The following PLGRKT variants were observed in gnomAD, a reference collection of about 807,000 sequenced individuals.
The protein encoded by PLGRKT is plasminogen receptor with a C-terminal lysine.
PLGRKT carries 22 observed loss-of-function variants against 18.5 expected under a neutral mutation model. The observed-to-expected ratio is 1.19, with a 90% CI of 0.85 to 1.70. The LOEUF (loss-of-function observed/expected upper bound fraction) is 1.70. Ranked by LOEUF, PLGRKT falls within the 40% of genes most tolerant of loss-of-function variation. The pLI is 0.00. For missense variants in PLGRKT, 235 were observed against 174.4 expected, an observed-to-expected ratio of 1.35 and a Z score of -1.96; for synonymous variants, 72 against 52.8, an observed-to-expected ratio of 1.36 and a Z score of -1.58.
chr9:5,426,565 A>G (rs1818705797), intron 3 of PLGRKT, among the ~76,000 whole-genome samples: 1 of 152,220 alleles, frequency 6.6e-6, no homozygotes, highest in Non-Finnish European at 1.5e-5. Context: ...TCCTTTCTTG[A>G]AATTAAGAAA....
intron 3 of PLGRKT, among the ~76,000 whole-genome samples, chr9:5,411,347 T>C (rs1818360711): frequency 6.9e-6 from 1 of 143,952 alleles, no homozygotes; most frequent in Non-Finnish European, 1.5e-5. Flanking sequence ...GTTATGCCAC[T>C]GCACTCCAGC....
rs1817382374 is a variant in PLGRKT at position 5,366,154 on chromosome 9, C to G, written c.82-4266G>C. Reference sequence around the variant, plus strand: ...TTAAAAATCAAATTAATAAACTTGACTGTCAAATTTTTCAATAACCATAAA... The same window carrying G: ...TTAAAAATCAAATTAATAAACTTGAGTGTCAAATTTTTCAATAACCATAAA... On this transcript the variant is annotated intron_variant, in intron 3 of 5. Coordinates refer to ENST00000223864, the MANE Select transcript of PLGRKT (RefSeq NM_018465.4). 1.3e-5 allele frequency among the ~76,000 whole-genome samples: 2 copies of G among 152,120 alleles called. 1 individual carries two copies. The highest frequency in any genetic ancestry group is 2.9e-5 in the Non-Finnish European group (2 of 68,008).
At chr9:5,370,798 TAAAAC>T (rs1363646692) in intron 3 of PLGRKT, among the ~76,000 whole-genome samples, 1 of 152,154 alleles carries the variant, frequency 6.6e-6, no homozygotes, top group Non-Finnish European at 1.5e-5. Context: ...CTAACATTGT[TAAAAC>T]AAAGCAGCCA....
intron 5 of PLGRKT, 94 bp from the exon 6 acceptor site, chr9:5,358,454 ACCGTATGAG>A: frequency 9.6e-7 from 1 of 1,039,920 alleles, no homozygotes; most frequent in Middle Eastern, 2.1e-4. Flanking sequence ...AGGCTCTAAC[ACCGTATGAG>A]CCATGTCCCC....
At chr9:5,404,513 C>A (rs1220389390) in intron 3 of PLGRKT, among the ~76,000 whole-genome samples, 2 of 152,128 alleles carry the variant, frequency 1.3e-5, no homozygotes, top group Admixed American at 6.5e-5. Context: ...ATAAACAGAA[C>A]TAAAGACAAA....
intron 3 of PLGRKT, among the ~76,000 whole-genome samples, chr9:5,409,550 C>G (rs759815765): frequency 6.6e-6 from 1 of 152,146 alleles, no homozygotes; most frequent in African/African-American, 2.4e-5. Context: ...TATATATACC[C>G]AGAGTGGTAG....
Position 5,418,796 on chromosome 9 carries a change from G to T in PLGRKT, c.81+13101C>A. ...AGGAGCTGCGACACGGAGAAGTCAG[G>T]GGGCAGCTTGGTGACACCGCTGCAC... On this transcript the variant is annotated intron_variant, in intron 3 of 5. Transcript: ENST00000223864. The surrounding 1 kb of genome is among the most constrained non-coding windows in gnomAD (Gnocchi z 4.2). The T allele has an allele frequency of 2.3e-6, 2 of 878,958 alleles. No individual in the cohort carries two copies. The highest frequency in any genetic ancestry group is 1.9e-6 in the Non-Finnish European group (1 of 536,214). 54.4% of individuals were successfully genotyped at this position (878,958 alleles called of 1,614,324 possible). A position where few individuals can be genotyped will look rare whatever the true frequency, so the allele number is the denominator to read the frequency against.
intron 3 of PLGRKT, among the ~76,000 whole-genome samples, chr9:5,364,077 C>T (rs1817327994): frequency 6.6e-6 from 1 of 152,098 alleles, no homozygotes; most frequent in Admixed American, 6.5e-5. Flanking sequence ...TAGAGGAGTC[C>T]AGACTGGTTC....
At chr9:5,393,200 C>T (rs1237900565) in intron 3 of PLGRKT, among the ~76,000 whole-genome samples, 1 of 151,876 alleles carries the variant, frequency 6.6e-6, no homozygotes, top group Admixed American at 6.6e-5. Flanking sequence ...TTCACCCTGC[C>T]ATTTTTATTT....
At position 5,431,530 on chromosome 9, in the gene PLGRKT, T is replaced by A. The variant is rs1352817652; in HGVS notation, c.81+367A>T. The stretch of plus-strand genomic sequence containing the variant: ...GGCTGGGCAACACAGTGAGACTCTC[T>A]CAAAAAAAAAAAAAAAAAAAAAAAG... On this transcript the variant is annotated intron_variant, in intron 3 of 5. Transcript: ENST00000223864. Among the ~76,000 whole-genome samples the A allele has an allele frequency of 3.3e-4, 21 of 64,424 alleles. No homozygotes were observed. The South Asian group carries it at 5.0e-3, about 15-fold the overall frequency. The allele number at this position is 64,424 out of a possible 152,430, so 42.3% of individuals were successfully genotyped here. A position where few individuals can be genotyped will look rare whatever the true frequency, so the allele number is the denominator to read the frequency against.
At chr9:5,417,968 T>G (rs1818496027) in intron 3 of PLGRKT, among the ~76,000 whole-genome samples, 1 of 152,238 alleles carries the variant, frequency 6.6e-6, no homozygotes. Flanking sequence ...CAGGTTTAAT[T>G]CTACTTGCAT....
intron 3 of PLGRKT, among the ~76,000 whole-genome samples, chr9:5,363,702 G>C (rs1230717783): frequency 6.6e-6 from 1 of 152,112 alleles, no homozygotes; most frequent in South Asian, 2.1e-4. Context: ...CCTGATGCTG[G>C]TGCCACCTGA....
intron 3 of PLGRKT, among the ~76,000 whole-genome samples, chr9:5,382,541 G>C (rs1157075538): frequency 6.6e-6 from 1 of 152,202 alleles, no homozygotes; most frequent in African/African-American, 2.4e-5. Context: ...AATCCTACAA[G>C]GGCTACTGAA....
chr9:5,426,904 C>T (rs1311130246), intron 3 of PLGRKT, among the ~76,000 whole-genome samples: 4 of 152,184 alleles, frequency 2.6e-5, no homozygotes, highest in Admixed American at 1.3e-4. Context: ...CGAGGCTCTC[C>T]TTCATCTCCT....
intron 3 of PLGRKT, among the ~76,000 whole-genome samples, chr9:5,425,224 G>C (rs1212151718): frequency 6.6e-6 from 1 of 152,136 alleles, no homozygotes; most frequent in African/African-American, 2.4e-5. Context: ...GTTTAGGTGT[G>C]CCTCCTAGTG....
intron 2 of PLGRKT, among the ~76,000 whole-genome samples, chr9:5,435,545 T>C (rs1459530485): frequency 2.6e-5 from 4 of 152,222 alleles, no homozygotes; most frequent in East Asian, 1.9e-4. Flanking sequence ...GATACTTGAA[T>C]GTCCTGGAAA....
chr9:5,411,047 G>A (rs902695795), intron 3 of PLGRKT, among the ~76,000 whole-genome samples: 24 of 152,108 alleles, frequency 1.6e-4, no homozygotes, highest in Non-Finnish European at 1.8e-4. Flanking sequence ...AAAAAATGGA[G>A]TAGTCATCAT....
At chr9:5,380,417 C>G (rs1048234520) in intron 3 of PLGRKT, among the ~76,000 whole-genome samples, 7 of 151,170 alleles carry the variant, frequency 4.6e-5, no homozygotes, top group African/African-American at 1.7e-4. Flanking sequence ...AATATTTATC[C>G]TGTATTGTAC....
rs146005225 is a variant in PLGRKT, at chr9:5,366,027, G to T, written c.82-4139C>A. Reference sequence around the variant, plus strand: ...CCATGAGCAAAACATTCTAATGAAAGATATTTTGATCTATAATGTTAATTA... The same window carrying T: ...CCATGAGCAAAACATTCTAATGAAATATATTTTGATCTATAATGTTAATTA... On this transcript the variant is annotated intron_variant, in intron 3 of 5. Coordinates refer to ENST00000223864, the MANE Select transcript of PLGRKT (RefSeq NM_018465.4). Among the ~76,000 whole-genome samples the T allele has an allele frequency of 2.6e-5, 4 of 152,190 alleles. No individual in the cohort carries two copies. The East Asian group carries it at 7.7e-4, about 29-fold the overall frequency.
Sources: gnomAD v4.1 joint callset for allele counts (sites outside exome capture counted in the v4.1 genomes callset) on GRCh38, gnomAD v4.1.1 for gene constraint, Gnocchi (gnomAD v3.1) non-coding constraint, MANE v1.5 for transcripts, NCBI Gene and HGNC (gene_info 2026-07-23, HGNC 2026-07-21) for gene names.